Variants in GTPBP10 observed in about 807,000 individuals in gnomAD.
GTPBP10 encodes the protein GTP-binding protein 10.
GTPBP10 carries 38 observed loss-of-function variants against 44.8 expected under a neutral mutation model. The observed-to-expected ratio is 0.85, with a 90% confidence interval of 0.65 to 1.11. The LOEUF (loss-of-function observed/expected upper bound fraction) is 1.11. Among genes scored for constraint, GTPBP10 ranks in the 50% most tolerant of loss-of-function variants. The probability of loss-of-function intolerance (pLI) is 0.00; values close to 1 mark genes in which losing one functional copy is unlikely to be tolerated. For missense variants in GTPBP10, 462 were observed against 453.7 expected (o/e 1.02, Z -0.17); for synonymous variants, 152 against 150.6 (o/e 1.01, Z -0.07).
rs1796456784 is a variant in GTPBP10 at position 90,382,884 on chromosome 7, A to G, written c.778-72A>G. The stretch of plus-strand genomic sequence containing the variant: ...GAATGGGTTTTAGATCACCTGGGTC[A>G]TTAATTACCAAATAAGTAGTTTATA... On this transcript the variant is annotated intron_variant, in intron 8 of 9. Transcript: ENST00000222511. 2.9e-6 allele frequency: 3 copies of G among 1,052,230 alleles called. No homozygotes were observed. The East Asian group carries it at 7.8e-5, about 27-fold the overall frequency. 65.2% of individuals were successfully genotyped at this position (1,052,230 alleles called of 1,614,324 possible).
In GTPBP10 at chr7:90,388,124, C is replaced by CA. The variant is rs35714574; in HGVS notation, c.*2973dup. 6.6e-6 allele frequency: 1 copy of CA among 152,140 alleles called. No homozygotes were observed. Among genetic ancestry groups the CA allele is most frequent in the East Asian group, 1.9e-4 (1 of 5,192 alleles). 9.4% of individuals were successfully genotyped at this position (152,140 alleles called of 1,614,324 possible). ...AATTCATTAGTATTTTCTGGTTACT[C>CA]AAAGTGTACTCTATGTACCTTTTTT... On this transcript the variant is annotated 3_prime_UTR_variant, in exon 10 of 10. Coordinates refer to ENST00000222511, the MANE Select transcript of GTPBP10 (RefSeq NM_033107.4).
chr7:90,354,412 A>G lies in GTPBP10; in HGVS notation c.228-46A>G, dbSNP rs1423247487. On this transcript the variant is annotated intron_variant, in intron 2 of 9. Coordinates refer to ENST00000222511, the MANE Select transcript of GTPBP10 (RefSeq NM_033107.4). Reference sequence around the variant, plus strand: ...TTTGTGTGTATGTGTGTGTGTGTATATATACACACACACATACATACATAT... The same window carrying G: ...TTTGTGTGTATGTGTGTGTGTGTATGTATACACACACACATACATACATAT... 1.1e-5 allele frequency: 10 copies of G among 901,564 alleles called. No homozygotes were observed. In the Admixed American group the frequency reaches 1.3e-4, roughly 12 times the overall value. 55.8% of individuals were successfully genotyped at this position (901,564 alleles called of 1,614,324 possible). A position where few individuals can be genotyped will look rare whatever the true frequency, so the allele number is the denominator to read the frequency against.
intron 6 of GTPBP10, among the ~76,000 whole-genome samples, chr7:90,375,798 T>C (rs1796335768): frequency 6.6e-6 from 1 of 152,118 alleles, no homozygotes; most frequent in South Asian, 2.1e-4. Flanking sequence ...CAGAATTATC[T>C]GGGTGGTCTA....
Position 90,372,482 on chromosome 7 carries a change from C to CTTTTTTTTTTTTTTTTTTTTTTTT in GTPBP10, c.538+269_538+270insTTTTTTTTTTTTTTTTTTTTTTTT, listed in dbSNP as rs757973599. On this transcript the variant is annotated intron_variant, in intron 5 of 9. Coordinates refer to ENST00000222511, the MANE Select transcript of GTPBP10 (RefSeq NM_033107.4). Reference sequence around the variant, plus strand: ...GGTATGTGCCACCATGCTTGGCTAACTTTTTTTTTTTTTTTGTGGGGACAG... The same window carrying CTTTTTTTTTTTTTTTTTTTTTTTT: ...GGTATGTGCCACCATGCTTGGCTAACTTTTTTTTTTTTTTTTTTTTTTTTTTTTTTTTTTTTTTTGTGGGGACAG... Among the ~76,000 whole-genome samples, 10 of 112,200 alleles carry CTTTTTTTTTTTTTTTTTTTTTTTT rather than the reference C, an allele frequency of 8.9e-5. 1 individual carries two copies. Among genetic ancestry groups the CTTTTTTTTTTTTTTTTTTTTTTTT allele is most frequent in the African/African-American group, 3.2e-4 (8 of 25,274 alleles). 73.6% of individuals were successfully genotyped at this position (112,200 alleles called of 152,430 possible).
At chr7:90,361,808 G>T (rs549094906) in intron 4 of GTPBP10, among the ~76,000 whole-genome samples, 9 of 152,222 alleles carry the variant, frequency 5.9e-5, no homozygotes, top group East Asian at 3.9e-4. Flanking sequence ...CAATTTCAGA[G>T]CCTGTTATTG....
At chr7:90,379,773 A>G (rs749064727) in intron 8 of GTPBP10, among the ~76,000 whole-genome samples, 1 of 152,326 alleles carries the variant, frequency 6.6e-6, no homozygotes, top group East Asian at 1.9e-4. Flanking sequence ...CCATTGTGCC[A>G]TTTTACAGTC....
intron 8 of GTPBP10, among the ~76,000 whole-genome samples, chr7:90,380,109 C>G (rs1171142426): frequency 4.7e-5 from 6 of 126,890 alleles, no homozygotes; most frequent in Non-Finnish European, 6.4e-5. Flanking sequence ...GATGGAGTCT[C>G]ACTCTGTCGC....
intron 4 of GTPBP10, 143 bp downstream of exon 4, chr7:90,355,373 G>T: frequency 2.0e-6 from 1 of 496,118 alleles, no homozygotes; most frequent in Non-Finnish European, 3.5e-6. Context: ...AAAATATGCT[G>T]CTAAATATTA....
At chr7:90,356,454 C>G (rs1795901862) in intron 4 of GTPBP10, among the ~76,000 whole-genome samples, 1 of 152,162 alleles carries the variant, frequency 6.6e-6, no homozygotes, top group African/African-American at 2.4e-5. Flanking sequence ...ACATGTGTTT[C>G]AAGTTCTGAA....
At chr7:90,372,339 A>AT in intron 5 of GTPBP10, 111 bp downstream of exon 5, 1 of 751,422 alleles carries the variant, frequency 1.3e-6, no homozygotes, top group Non-Finnish European at 2.1e-6. Context: ...TAACTGAAAA[A>AT]TTTTTGGCAG....
At chr7:90,381,637 GA>G (rs1370481854) in intron 8 of GTPBP10, among the ~76,000 whole-genome samples, 1 of 152,118 alleles carries the variant, frequency 6.6e-6, no homozygotes, top group East Asian at 1.9e-4. Context: ...AACAAAGCTG[GA>G]AGCTTCACAC....
chr7:90,367,048 A>G (rs1796148086), intron 4 of GTPBP10, among the ~76,000 whole-genome samples: 1 of 152,162 alleles, frequency 6.6e-6, no homozygotes, highest in Non-Finnish European at 1.5e-5. Context: ...TTATGTACCC[A>G]GTAGTCATTC....
chr7:90,374,243 T>G, intron 5 of GTPBP10, 59 bp from the exon 6 acceptor site: 5 of 1,131,154 alleles, frequency 4.4e-6, no homozygotes, highest in Non-Finnish European at 6.7e-6. Flanking sequence ...AAGACAGTTT[T>G]GAGAGTACCA....
chr7:90,371,125 T>TA (rs1185075994), intron 4 of GTPBP10: 8 of 752,630 alleles, frequency 1.1e-5, no homozygotes, highest in Non-Finnish European at 1.3e-5. Flanking sequence ...TGTTTAAAGT[T>TA]ATTTTAAAAA....
At chr7:90,353,237 C>G (rs1045150134) in intron 2 of GTPBP10, 2 of 363,864 alleles carry the variant, frequency 5.5e-6, no homozygotes, top group Admixed American at 4.2e-5. Flanking sequence ...TATCTGTATT[C>G]TTTTTGCACT....
At chr7:90,353,890 T>C (rs1183527291) in intron 2 of GTPBP10, among the ~76,000 whole-genome samples, 1 of 151,568 alleles carries the variant, frequency 6.6e-6, no homozygotes, top group Non-Finnish European at 1.5e-5. Flanking sequence ...TAGTGGGCAC[T>C]ATCATAGCTC....
chr7:90,387,849 G>C lies in GTPBP10; in HGVS notation c.*2695G>C, dbSNP rs536773385. 1.2e-4 allele frequency: 18 copies of C among 152,222 alleles called. No homozygotes were observed. In the East Asian group the frequency reaches 3.5e-3, roughly 29 times the overall value. 9.4% of individuals were successfully genotyped at this position (152,222 alleles called of 1,614,324 possible). Reference sequence around the variant, plus strand: ...ATCACAGTGACCAGGTTTTGTATTGGGTATGTTTTACATTTGTAACTTCAG... The same window carrying C: ...ATCACAGTGACCAGGTTTTGTATTGCGTATGTTTTACATTTGTAACTTCAG... On this transcript the variant is annotated 3_prime_UTR_variant, in exon 10 of 10. Coordinates refer to ENST00000222511, the MANE Select transcript of GTPBP10 (RefSeq NM_033107.4).
Position 90,388,832 on chromosome 7 carries a change from A to G in GTPBP10, c.*3678A>G, listed in dbSNP as rs1470086949. The stretch of plus-strand genomic sequence containing the variant: ...AAAAATGTACATAAACACATAAACT[A>G]TTTTCCAAGCAGTTTCACAGTGTTT... On this transcript the variant is annotated 3_prime_UTR_variant, in exon 10 of 10. Transcript: ENST00000222511. 6.6e-6 allele frequency: 1 copy of G among 152,194 alleles called. No homozygotes were observed. The highest frequency in any genetic ancestry group is 2.4e-5 in the African/African-American group (1 of 41,452). 9.4% of individuals were successfully genotyped at this position (152,194 alleles called of 1,614,324 possible).
chr7:90,372,122 A>T (rs796914771), intron 4 of GTPBP10, 33 bp from the exon 5 acceptor site: 6 of 1,290,340 alleles, frequency 4.6e-6, no homozygotes, highest in South Asian at 3.7e-5. Flanking sequence ...AATAATATTG[A>T]CATTTGTGTA....
Sources: allele counts gnomAD v4.1 joint callset (sites outside exome capture counted in the v4.1 genomes callset), GRCh38; gene constraint gnomAD v4.1.1; transcripts MANE v1.5; gene names NCBI Gene and HGNC (gene_info 2026-07-23, HGNC 2026-07-21).